ANKFY1: variants seen among roughly 807,000 people sequenced by gnomAD.
The protein encoded by ANKFY1 is ankyrin repeat and FYVE domain-containing protein 1.
In ANKFY1, 47 loss-of-function variants were observed where a neutral mutation model predicts 128.3. That is an observed-to-expected ratio of 0.37 (90% CI 0.29 to 0.47). ANKFY1 has a LOEUF of 0.47. Among genes scored for constraint, ANKFY1 ranks in the 20% least tolerant of loss-of-function variants. ANKFY1 has a pLI of 1.00. For synonymous variants in ANKFY1, 553 were observed against 601.6 expected (o/e 0.92, Z 1.18); for missense variants, 1,222 against 1,510.6 (o/e 0.81, Z 3.17).
intron 22 of ANKFY1, among the ~76,000 whole-genome samples, chr17:4,171,486 A>G (rs917074286): frequency 2.0e-5 from 3 of 152,146 alleles, no homozygotes; most frequent in Non-Finnish European, 2.9e-5. Flanking sequence ...AAATCATACA[A>G]TAAGATGAGG....
chr17:4,224,662 T>G (rs202013199), intron 3 of ANKFY1, among the ~76,000 whole-genome samples: 1 of 76,882 alleles, frequency 1.3e-5, no homozygotes, highest in African/African-American at 3.1e-5. Flanking sequence ...GGAAAACTGT[T>G]TGTTTGTTTT....
chr17:4,179,616 C>T, intron 17 of ANKFY1, 105 bp downstream of exon 17: 1 of 1,434,784 alleles, frequency 7.0e-7, no homozygotes, highest in Non-Finnish European at 9.4e-7. Context: ...GTTCATGAAG[C>T]AGCAGCGCCT....
intron 3 of ANKFY1, among the ~76,000 whole-genome samples, chr17:4,229,028 A>C (rs2060471930): frequency 6.6e-6 from 1 of 152,202 alleles, no homozygotes. Flanking sequence ...CTATTATTAC[A>C]ATAGACTATT....
In ANKFY1 at chr17:4,195,069, G is replaced by A. The variant is rs530133708; in HGVS notation, c.1281C>T (p.Pro427=). ...DQSVNPFEDV[P]VVNGTSFDEN... ...CATCAAATGAAGTCCCATTTACCAC[G>A]GGGACATCTTCGAAGGGGTTCACAG... is the stretch of plus-strand genomic sequence containing the variant. Residue 427 remains proline, a synonymous_variant, in exon 10 of 25, where the codon CCC becomes CCT. Coordinates refer to ENST00000341657, the MANE Select transcript of ANKFY1 (RefSeq NM_001330063.2). 40 of 1,614,138 alleles carry A rather than the reference G, an allele frequency of 2.5e-5. No homozygotes were observed. Among genetic ancestry groups the A allele is most frequent in the African/African-American group, 2.0e-4 (15 of 75,046 alleles).
chr17:4,260,618 C>CAA lies in ANKFY1; in HGVS notation c.10+3312_10+3313dup, dbSNP rs60030304. Reference sequence around the variant, plus strand: ...GGGTGACGGAGTGAGATCCTGTCTCCAAAAAAAAAAAAAAAAAAAAAAAAC... The same window carrying CAA: ...GGGTGACGGAGTGAGATCCTGTCTCCAAAAAAAAAAAAAAAAAAAAAAAAAAC... On this transcript the variant is annotated intron_variant, in intron 1 of 24. Coordinates refer to ENST00000341657, the MANE Select transcript of ANKFY1 (RefSeq NM_001330063.2). Among the ~76,000 whole-genome samples, 587 of 64,974 alleles carry CAA rather than the reference C, an allele frequency of 9.0e-3. 5 individuals are homozygous for CAA. Among genetic ancestry groups the CAA allele is most frequent in the African/African-American group, 0.023 (331 of 14,692 alleles). The allele number at this position is 64,974 out of a possible 152,430, so 42.6% of individuals were successfully genotyped here.
intron 10 of ANKFY1, among the ~76,000 whole-genome samples, 184 bp from the exon 11 acceptor site, chr17:4,189,663 G>T (rs1288029198): frequency 6.6e-6 from 1 of 151,702 alleles, no homozygotes; most frequent in Middle Eastern, 3.2e-3. Flanking sequence ...ACGCCAGAGA[G>T]TAGGCCCACA....
intron 14 of ANKFY1, among the ~76,000 whole-genome samples, chr17:4,182,803 C>A (rs1025651156): frequency 6.6e-6 from 1 of 152,144 alleles, no homozygotes; most frequent in Non-Finnish European, 1.5e-5. Context: ...ACTGAAATTC[C>A]TTGTTAAAAA....
Position 4,173,934 on chromosome 17 carries a change from A to C in ANKFY1, c.2898T>G (p.Ala966=), listed in dbSNP as rs2059368491. 6.2e-7 allele frequency: 1 copy of C among 1,613,676 alleles called. No homozygotes were observed. The highest frequency in any genetic ancestry group is 1.3e-5 in the African/African-American group (1 of 74,934). ...SVLLENGVDF[A]AVDENGNNAL... Reference sequence around the variant, plus strand: ...CATTGTTTCCATTCTCATCCACGGCAGCAAAGTCCACGCCATTCTCTAGGA... The same window carrying C: ...CATTGTTTCCATTCTCATCCACGGCCGCAAAGTCCACGCCATTCTCTAGGA... The change falls in exon 20 of 25, where the codon GCT becomes GCG. Residue 966 remains alanine, a synonymous_variant. Coordinates refer to ENST00000341657, the MANE Select transcript of ANKFY1 (RefSeq NM_001330063.2).
chr17:4,238,441 G>C (rs944070307), intron 2 of ANKFY1, among the ~76,000 whole-genome samples: 3 of 151,544 alleles, frequency 2.0e-5, no homozygotes, highest in African/African-American at 7.3e-5. Context: ...AGATAACATA[G>C]AGTTTCAATC....
intron 2 of ANKFY1, among the ~76,000 whole-genome samples, chr17:4,239,107 C>A (rs942918594): frequency 4.6e-5 from 7 of 152,180 alleles, no homozygotes; most frequent in South Asian, 4.1e-4. Flanking sequence ...GTCCTAAGAT[C>A]ATACCATAAC....
At chr17:4,263,773 G>A (rs1340750354) in intron 1 of ANKFY1, 159 bp downstream of exon 1, 1 of 1,560,464 alleles carries the variant, frequency 6.4e-7, no homozygotes, top group African/African-American at 1.4e-5. Context: ...CCGGACCCCG[G>A]CCCGAGAAGC....
Position 4,181,144 on chromosome 17 carries a change from G to A in ANKFY1, c.2240+110C>T, listed in dbSNP as rs1389752540. 7 of 880,696 alleles carry A rather than the reference G, an allele frequency of 7.9e-6. No homozygotes were observed. Among genetic ancestry groups the A allele is most frequent in the Non-Finnish European group, 1.3e-5 (7 of 550,518 alleles). 54.6% of individuals were successfully genotyped at this position (880,696 alleles called of 1,614,324 possible). A position where few individuals can be genotyped will look rare whatever the true frequency, so the allele number is the denominator to read the frequency against. ...CTCTCTGATAACCTTAACTGTGAAA[G>A]TCAAGCCGGCTACTGGCATGCCAAG... On this transcript the variant is annotated intron_variant, in intron 16 of 24. Transcript: ENST00000341657. The surrounding 1 kb of genome is among the most constrained non-coding windows in gnomAD (Gnocchi z 4.9).
In ANKFY1 at chr17:4,167,653, A is replaced by G; in HGVS notation, c.*126T>C. On this transcript the variant is annotated 3_prime_UTR_variant, in exon 25 of 25. Coordinates refer to ENST00000341657, the MANE Select transcript of ANKFY1 (RefSeq NM_001330063.2). The surrounding 1 kb of genome is among the most constrained non-coding windows in gnomAD (Gnocchi z 4.1). ...GGGATCTATCACACCATGGTCCTTA[A>G]TCGTTCCAGTCTATTGCCGCAGGAA... 1.1e-6 allele frequency: 1 copy of G among 915,718 alleles called. No homozygotes were observed. Among genetic ancestry groups the G allele is most frequent in the Non-Finnish European group, 1.6e-6 (1 of 637,394 alleles). 56.7% of individuals were successfully genotyped at this position (915,718 alleles called of 1,614,324 possible).
chr17:4,245,364 C>G (rs1283608717), intron 1 of ANKFY1, among the ~76,000 whole-genome samples: 1 of 152,080 alleles, frequency 6.6e-6, no homozygotes, highest in African/African-American at 2.4e-5. Context: ...TACCACCATG[C>G]CTGGCTACAT....
chr17:4,172,318 C>T (rs936246877), intron 22 of ANKFY1, among the ~76,000 whole-genome samples: 1 of 152,082 alleles, frequency 6.6e-6, no homozygotes, highest in Admixed American at 6.5e-5. Flanking sequence ...GGTGGAGAGG[C>T]CTGTTTGGAG....
chr17:4,168,812 C>T (rs146557282), intron 24 of ANKFY1: 8 of 174,040 alleles, frequency 4.6e-5, no homozygotes, highest in African/African-American at 9.3e-5. Flanking sequence ...CCGCACCCGA[C>T]CTATCTATCT....
In ANKFY1 at chr17:4,197,516, C is replaced by G; in HGVS notation, c.960G>C (p.Leu320=). The change falls in exon 8 of 25, where the codon CTG becomes CTC. Residue 320 remains leucine (L), a synonymous_variant. Coordinates refer to ENST00000341657, the MANE Select transcript of ANKFY1 (RefSeq NM_001330063.2). The stretch of plus-strand genomic sequence containing the variant: ...GGTGCAGTGGTGTCTCCTGGGCACC[C>G]AGTGTAGCAGCGTTGACAAAGGCCC... The part of the protein sequence containing the change: ...KNGAFVNAAT[L]GAQETPLHLV... 6.2e-7 allele frequency: 1 copy of G among 1,614,146 alleles called. No individual in the cohort carries two copies. Among genetic ancestry groups the G allele is most frequent in the Non-Finnish European group, 8.5e-7 (1 of 1,180,040 alleles).
In ANKFY1 at chr17:4,169,870, G is replaced by C. The variant is rs571779805; in HGVS notation, c.3287-582C>G. 5.3e-5 allele frequency among the ~76,000 whole-genome samples: 8 copies of C among 152,190 alleles called. No homozygotes were observed. The highest frequency in any genetic ancestry group is 1.0e-4 in the Non-Finnish European group (7 of 68,028). On this transcript the variant is annotated intron_variant, in intron 23 of 24. Transcript: ENST00000341657. The surrounding 1 kb of genome is among the most constrained non-coding windows in gnomAD (Gnocchi z 5.0). ...GGAATGACAATCACTTGGATTTACTGGCTGAACTCTCACTCTATCCCAGGC... is the reference window on the plus strand; with the variant it reads ...GGAATGACAATCACTTGGATTTACTCGCTGAACTCTCACTCTATCCCAGGC...
At chr17:4,214,693 T>A (rs12948116) in intron 4 of ANKFY1, among the ~76,000 whole-genome samples, 126,501 of 151,778 alleles carry the variant, frequency 0.83, 56,746 homozygotes, top group South Asian at 0.99. Context: ...GCCTGGCTAA[T>A]TTTTTTGTAT....
Sources: gnomAD v4.1 joint callset for allele counts (sites outside exome capture counted in the v4.1 genomes callset) on GRCh38, gnomAD v4.1.1 for gene constraint, Gnocchi (gnomAD v3.1) non-coding constraint, MANE v1.5 for transcripts, NCBI Gene and HGNC (gene_info 2026-07-23, HGNC 2026-07-21) for gene names.